Variants in RBMS3 observed in about 807,000 individuals in gnomAD.
The protein encoded by RBMS3 is RNA-binding motif, single-stranded-interacting protein 3.
A neutral mutation model predicts 66.8 loss-of-function variants in RBMS3; 27 were observed. That is an observed-to-expected ratio of 0.40 (90% CI 0.30 to 0.56). RBMS3 has a LOEUF of 0.56. Among genes scored for constraint, RBMS3 ranks in the 20% least tolerant of loss-of-function variants. The pLI is 0.40. For missense variants in RBMS3, 513 were observed against 549.5 expected, an observed-to-expected ratio of 0.93 and a Z score of 0.66; for synonymous variants, 188 against 183.0, an observed-to-expected ratio of 1.03 and a Z score of -0.22.
intron 10 of RBMS3, among the ~76,000 whole-genome samples, chr3:29,911,900 A>G (rs2060523757): frequency 1.3e-5 from 2 of 152,078 alleles, no homozygotes; most frequent in Non-Finnish European, 2.9e-5. Context: ...ATTTTCAGAG[A>G]TAATTTATTA....
chr3:29,509,485 TA>T (rs2044315914), intron 3 of RBMS3, among the ~76,000 whole-genome samples: 1 of 152,216 alleles, frequency 6.6e-6, no homozygotes, highest in Non-Finnish European at 1.5e-5. Flanking sequence ...GGAACTTGCC[TA>T]AGTTGCCATA....
intron 4 of RBMS3, among the ~76,000 whole-genome samples, chr3:29,613,088 G>C (rs1050983289): frequency 1.3e-5 from 2 of 151,978 alleles, no homozygotes; most frequent in Admixed American, 1.3e-4. Flanking sequence ...CATGAACAAT[G>C]CTTCATTGTT....
chr3:29,761,235 A>T (rs1387013105), intron 5 of RBMS3, among the ~76,000 whole-genome samples: 1 of 152,126 alleles, frequency 6.6e-6, no homozygotes, highest in African/African-American at 2.4e-5. Flanking sequence ...TGTCATATCC[A>T]TCGATACAGA....
chr3:29,408,144 T>C (rs6781922), intron 1 of RBMS3, among the ~76,000 whole-genome samples: 91,267 of 149,336 alleles, frequency 0.61, 28,306 homozygotes, highest in African/African-American at 0.71. Context: ...TGGTGGCGGG[T>C]GCCTGTAGCC....
At chr3:29,771,148 T>C (rs1370567069) in intron 6 of RBMS3, among the ~76,000 whole-genome samples, 1 of 152,050 alleles carries the variant, frequency 6.6e-6, no homozygotes, top group Non-Finnish European at 1.5e-5. Flanking sequence ...CTGCTTCCTC[T>C]TATTTCTTAC....
rs771814749 is a variant in RBMS3 at position 29,868,860 on chromosome 3, C to G, written c.640C>G (p.Pro214Ala). The G allele has an allele frequency of 6.3e-7, 1 of 1,593,574 alleles. No homozygotes were observed. The change falls in exon 7 of 15, where the codon CCC becomes GCC. Residue 214 changes from proline (P) to alanine (A), a missense_variant and splice_region_variant. By Grantham distance (27) the Pro-to-Ala change is conservative (BLOSUM62 -1). Coordinates refer to ENST00000383767, the MANE Select transcript of RBMS3 (RefSeq NM_001003793.3). Reference protein sequence around the residue: ...YLKTPPGIPAPSEPLLCKFAD... With the variant: ...YLKTPPGIPAASEPLLCKFAD... ...GAATTGGTTTCTTATCTTCCCAGCCCCCAGTGAGCCTTTGCTGTGCAAATT... is the reference window on the plus strand; with the variant it reads ...GAATTGGTTTCTTATCTTCCCAGCCGCCAGTGAGCCTTTGCTGTGCAAATT...
At chr3:29,613,568 A>G (rs1179056372) in intron 4 of RBMS3, among the ~76,000 whole-genome samples, 2 of 152,188 alleles carry the variant, frequency 1.3e-5, no homozygotes, top group Non-Finnish European at 1.5e-5. Context: ...ATAAAATAGC[A>G]TTATTTAAAA....
At chr3:29,293,479 A>G (rs966972724) in intron 1 of RBMS3, among the ~76,000 whole-genome samples, 3 of 151,820 alleles carry the variant, frequency 2.0e-5, no homozygotes, top group Non-Finnish European at 4.4e-5. Flanking sequence ...CTGGGCTAAC[A>G]TAAGCCTTTG....
At chr3:29,899,266 C>A (rs967579403) in intron 9 of RBMS3, among the ~76,000 whole-genome samples, 1 of 151,694 alleles carries the variant, frequency 6.6e-6, no homozygotes, top group Non-Finnish European at 1.5e-5. Flanking sequence ...ACCACTTGGA[C>A]ATATTTCTAA....
At chr3:29,924,106 T>A (rs1377916532) in intron 10 of RBMS3, among the ~76,000 whole-genome samples, 1 of 152,224 alleles carries the variant, frequency 6.6e-6, no homozygotes, top group Non-Finnish European at 1.5e-5. Context: ...TATACCCTGT[T>A]ACATGACCAA....
chr3:29,833,897 A>G (rs2058436923), intron 6 of RBMS3, among the ~76,000 whole-genome samples: 1 of 152,102 alleles, frequency 6.6e-6, no homozygotes. Flanking sequence ...AAATTGTCAA[A>G]AATCAAAGAC....
intron 6 of RBMS3, among the ~76,000 whole-genome samples, chr3:29,806,212 G>T (rs1245632586): frequency 6.6e-6 from 1 of 151,884 alleles, no homozygotes; most frequent in Admixed American, 6.6e-5. Context: ...CAGACAAAAA[G>T]TAAAAATAGT....
chr3:29,366,025 A>G (rs6770055), intron 1 of RBMS3, among the ~76,000 whole-genome samples: 24,500 of 152,216 alleles, frequency 0.16, 2,570 homozygotes, highest in East Asian at 0.42. Context: ...GTCACATAGT[A>G]TAATTTTAGC....
intron 12 of RBMS3, among the ~76,000 whole-genome samples, chr3:29,954,532 G>A (rs1695895390): frequency 6.6e-6 from 1 of 151,902 alleles, no homozygotes; most frequent in Non-Finnish European, 1.5e-5. Flanking sequence ...TCTTCTCTTT[G>A]GGGTGAGAAC....
chr3:29,477,453 TAACAAACA>T (rs35287781), intron 2 of RBMS3, among the ~76,000 whole-genome samples: 19 of 150,884 alleles, frequency 1.3e-4, no homozygotes, highest in Non-Finnish European at 2.2e-4. Context: ...GTCAGGGATA[TAACAAACA>T]AACAAACAAA....
chr3:29,444,425 A>G (rs2041741554), intron 2 of RBMS3, among the ~76,000 whole-genome samples: 1 of 152,100 alleles, frequency 6.6e-6, no homozygotes, highest in East Asian at 1.9e-4. Context: ...GGGAGTGTGT[A>G]TAACAATAAA....
At chr3:29,722,964 C>CT (rs751873039) in intron 4 of RBMS3, among the ~76,000 whole-genome samples, 60 of 150,940 alleles carry the variant, frequency 4.0e-4, no homozygotes, top group African/African-American at 1.1e-3. Context: ...TTTACTCACT[C>CT]TTTTTTTTTC....
intron 4 of RBMS3, among the ~76,000 whole-genome samples, chr3:29,628,893 G>A (rs2049171358): frequency 6.6e-6 from 1 of 152,060 alleles, no homozygotes. Flanking sequence ...TTTTTTGACT[G>A]AGAATTGTCA....
intron 3 of RBMS3, among the ~76,000 whole-genome samples, chr3:29,498,782 C>T (rs1183733707): frequency 6.6e-6 from 1 of 152,140 alleles, no homozygotes; most frequent in Non-Finnish European, 1.5e-5. Context: ...GACTTGGATA[C>T]CTTCTAGGAA....
Sources: gnomAD v4.1 joint callset for allele counts (sites outside exome capture counted in the v4.1 genomes callset) on GRCh38, gnomAD v4.1.1 for gene constraint, MANE v1.5 for transcripts, NCBI Gene and HGNC (gene_info 2026-07-23, HGNC 2026-07-21) for gene names.